Variants in SCUBE3 observed in about 807,000 individuals in gnomAD.
SCUBE3 encodes the protein signal peptide, CUB domain and EGF like domain containing 3, also known as signal peptide, CUB and EGF-like domain-containing protein 3.
SCUBE3 carries 33 observed loss-of-function variants against 116.8 expected under a neutral mutation model. The ratio of observed to expected loss-of-function variants is 0.28; its 90% CI spans 0.21 to 0.38. The LOEUF (loss-of-function observed/expected upper bound fraction) is 0.38, where lower values mean the gene tolerates loss of function less well. Ranked by LOEUF, SCUBE3 falls within the 10% of genes least tolerant of loss-of-function variation. The pLI is 1.00. For missense variants in SCUBE3, 1,007 were observed against 1,324.8 expected (o/e 0.76, Z 3.72); for synonymous variants, 418 against 496.9 (o/e 0.84, Z 2.11).
rs1322401562 is a variant in SCUBE3, at chr6:35,252,576, C to T, written c.*3871C>T. On this transcript the variant is annotated 3_prime_UTR_variant, in exon 22 of 22. Transcript: ENST00000274938. ...AAGACAAAGTATAACTGAGCATAAG[C>T]AGAAAATGTTAACCCTCCAGGTTTC... 1.3e-5 allele frequency: 2 copies of T among 152,200 alleles called. No individual in the cohort carries two copies. The highest frequency in any genetic ancestry group is 4.8e-5 in the African/African-American group (2 of 41,448). 9.4% of individuals were successfully genotyped at this position (152,200 alleles called of 1,614,324 possible).
chr6:35,248,905 G>A lies in SCUBE3; in HGVS notation c.*200G>A. 1 of 586,974 alleles carries A rather than the reference G, an allele frequency of 1.7e-6. No homozygotes were observed. The highest frequency in any genetic ancestry group is 2.8e-5 in the East Asian group (1 of 35,148). The allele number at this position is 586,974 out of a possible 1,614,324, so 36.4% of individuals were successfully genotyped here. On this transcript the variant is annotated 3_prime_UTR_variant, in exon 22 of 22. Transcript: ENST00000274938. ...GTCTCTCTCTGCCTGCCTCTCTACT[G>A]TTCCCCCTTTTCTAACACACTACCT...
chr6:35,245,180 C>A lies in SCUBE3; in HGVS notation c.2402-48C>A. On this transcript the variant is annotated intron_variant, in intron 18 of 21. Coordinates refer to ENST00000274938, the MANE Select transcript of SCUBE3 (RefSeq NM_152753.4). This position sits in a 1 kb window ranked among gnomAD's most constrained non-coding sequence, Gnocchi z 4.2. ...TCAATTCCCCCAGCACACTTCCCCA[C>A]TGACTTCCCTTCTCTGTCTTGTTTT... is the stretch of plus-strand genomic sequence containing the variant. 4 of 1,564,256 alleles carry A rather than the reference C, an allele frequency of 2.6e-6. No homozygotes were observed. The highest frequency in any genetic ancestry group is 3.5e-6 in the Non-Finnish European group (4 of 1,134,714).
intron 1 of SCUBE3, among the ~76,000 whole-genome samples, chr6:35,215,303 G>A (rs1038417530): frequency 2.0e-5 from 3 of 152,002 alleles, no homozygotes; most frequent in East Asian, 3.9e-4. Context: ...GAGGCCTCCC[G>A]CCCCCGTCCC....
rs1022635633 is a variant in SCUBE3, at chr6:35,235,445, G to A, written c.712+2144G>A. On this transcript the variant is annotated intron_variant, in intron 6 of 21. Transcript: ENST00000274938. This position sits in a 1 kb window ranked among gnomAD's most constrained non-coding sequence, Gnocchi z 4.5. ...AACAGCTTTTTTACAATGTCAAACA[G>A]GGGAAAGGCGGCTAGAGCAGCACAT... is the stretch of plus-strand genomic sequence containing the variant. The A allele has an allele frequency of 4.7e-6, 6 of 1,284,194 alleles. No individual in the cohort carries two copies. The highest frequency in any genetic ancestry group is 6.1e-6 in the Non-Finnish European group (6 of 983,662). The allele number at this position is 1,284,194 out of a possible 1,614,324, so 79.5% of individuals were successfully genotyped here. A position where few individuals can be genotyped will look rare whatever the true frequency, so the allele number is the denominator to read the frequency against.
At position 35,243,360 on chromosome 6, in the gene SCUBE3, C is replaced by G; in HGVS notation, c.1909+124C>G. ...ATGAGGCAGCCAGGATGCTCCTGCCCGCTGTCCTCCCTTCCTTGGTTCCAG... is the reference window on the plus strand; with the variant it reads ...ATGAGGCAGCCAGGATGCTCCTGCCGGCTGTCCTCCCTTCCTTGGTTCCAG... On this transcript the variant is annotated intron_variant, in intron 15 of 21. Coordinates refer to ENST00000274938, the MANE Select transcript of SCUBE3 (RefSeq NM_152753.4). This position sits in a 1 kb window ranked among gnomAD's most constrained non-coding sequence, Gnocchi z 6.6. The G allele has an allele frequency of 1.1e-6, 1 of 907,570 alleles. No homozygotes were observed. Among genetic ancestry groups the G allele is most frequent in the Non-Finnish European group, 1.7e-6 (1 of 590,442 alleles). 56.2% of individuals were successfully genotyped at this position (907,570 alleles called of 1,614,324 possible).
At position 35,252,840 on chromosome 6, in the gene SCUBE3, C is replaced by T. The variant is rs150567792; in HGVS notation, c.*4135C>T. On this transcript the variant is annotated 3_prime_UTR_variant, in exon 22 of 22. Coordinates refer to ENST00000274938, the MANE Select transcript of SCUBE3 (RefSeq NM_152753.4). ...TGAACTCAAGTTTCAGAATAATCAT[C>T]GCCATGTGGGAGGCTTTTTGTTAAA... 2.6e-4 allele frequency: 39 copies of T among 152,292 alleles called. No homozygotes were observed. The highest frequency in any genetic ancestry group is 8.7e-4 in the African/African-American group (36 of 41,562). 9.4% of individuals were successfully genotyped at this position (152,292 alleles called of 1,614,324 possible).
intron 2 of SCUBE3, 85 bp downstream of exon 2, chr6:35,227,787 C>A: frequency 7.2e-7 from 1 of 1,389,586 alleles, no homozygotes; most frequent in Non-Finnish European, 1.0e-6. Flanking sequence ...CACTCTCCAT[C>A]ACATCAAGGC....
At chr6:35,218,259 G>T in intron 1 of SCUBE3, 1 of 450,032 alleles carries the variant, frequency 2.2e-6, no homozygotes, top group Non-Finnish European at 2.9e-6. Flanking sequence ...CATGACTCAG[G>T]GTGTGTGTGT....
chr6:35,249,096 A>C lies in SCUBE3; in HGVS notation c.*391A>C. Reference sequence around the variant, plus strand: ...CTGGTGGGAAACGGGGAGGGGAAAGAAGGGCTTCTGCCATTATAGGGTTGT... The same window carrying C: ...CTGGTGGGAAACGGGGAGGGGAAAGCAGGGCTTCTGCCATTATAGGGTTGT... On this transcript the variant is annotated 3_prime_UTR_variant, in exon 22 of 22. Coordinates refer to ENST00000274938, the MANE Select transcript of SCUBE3 (RefSeq NM_152753.4). The C allele has an allele frequency of 5.6e-6, 1 of 177,372 alleles. No homozygotes were observed. The highest frequency in any genetic ancestry group is 2.4e-5 in the African/African-American group (1 of 41,968). The allele number at this position is 177,372 out of a possible 1,614,324, so 11.0% of individuals were successfully genotyped here. A position where few individuals can be genotyped will look rare whatever the true frequency, so the allele number is the denominator to read the frequency against.
Position 35,243,644 on chromosome 6 carries a change from C to T in SCUBE3, c.1960C>T (p.Pro654Ser). Residue 654 changes from proline to serine, a missense_variant, in exon 16 of 22, where the codon CCA becomes TCA. Pro to Ser is a moderately conservative substitution (Grantham distance 74). Coordinates refer to ENST00000274938, the MANE Select transcript of SCUBE3 (RefSeq NM_152753.4). The surrounding 1 kb of genome is among the most constrained non-coding windows in gnomAD (Gnocchi z 6.6). ...CCACGGCCAGACGGAGCAGTGTGTGCCATGCCCAGCGGGCACCTTCCAGGA... is the reference window on the plus strand; with the variant it reads ...CCACGGCCAGACGGAGCAGTGTGTGTCATGCCCAGCGGGCACCTTCCAGGA... Reference protein sequence around the residue: ...YYHGQTEQCVPCPAGTFQERE... With the variant: ...YYHGQTEQCVSCPAGTFQERE... 6.2e-7 allele frequency: 1 copy of T among 1,614,024 alleles called. No individual in the cohort carries two copies. Among genetic ancestry groups the T allele is most frequent in the Non-Finnish European group, 8.5e-7 (1 of 1,179,910 alleles).
Position 35,241,342 on chromosome 6 carries a change from T to A in SCUBE3, c.1195+76T>A. 1.4e-6 allele frequency: 2 copies of A among 1,479,372 alleles called. No homozygotes were observed. Among genetic ancestry groups the A allele is most frequent in the Non-Finnish European group, 1.9e-6 (2 of 1,080,976 alleles). The allele number at this position is 1,479,372 out of a possible 1,614,324, so 91.6% of individuals were successfully genotyped here. On this transcript the variant is annotated intron_variant, in intron 10 of 21. Coordinates refer to ENST00000274938, the MANE Select transcript of SCUBE3 (RefSeq NM_152753.4). The surrounding 1 kb of genome is among the most constrained non-coding windows in gnomAD (Gnocchi z 4.1). ...AGTTGGGGTTCTGGAAAGCATAGAG[T>A]ATCACATTGGGGAAAGGTGTGAGGT...
In SCUBE3 at chr6:35,231,742, G is replaced by A. The variant is rs1196696791; in HGVS notation, c.352G>A (p.Glu118Lys). The change falls in exon 4 of 22, where the codon GAG becomes AAG. Residue 118 changes from glutamate (E) to lysine (K), a missense_variant. By Grantham distance (56) the Glu-to-Lys change is moderately conservative. Around this residue, in one of 5 missense-constraint regions of SCUBE3, gnomAD observed 37 missense variants for 80.6 expected, o/e 0.46. Transcript: ENST00000274938. The surrounding 1 kb of genome is among the most constrained non-coding windows in gnomAD (Gnocchi z 4.2). ...CTGCACAGATGTGGACGAGTGTGCC[G>A]AGGGCAACGGCGGCTGTCAGCAGAG... ...HNCLDVDECA[E>K]GNGGCQQSCV... The A allele has an allele frequency of 8.1e-6, 13 of 1,612,516 alleles. No homozygotes were observed. The highest frequency in any genetic ancestry group is 1.1e-5 in the Non-Finnish European group (13 of 1,178,910).
rs1415449444 is a variant in SCUBE3, at chr6:35,214,722, T to A, written c.85+219T>A. ...GGGGCGGCAGAGAGGAGTGAGAAAC[T>A]CTTGGGGGCGGTGGGCAGAAGAGAC... On this transcript the variant is annotated intron_variant, in intron 1 of 21. Coordinates refer to ENST00000274938, the MANE Select transcript of SCUBE3 (RefSeq NM_152753.4). This position sits in a 1 kb window ranked among gnomAD's most constrained non-coding sequence, Gnocchi z 6.3. Among the ~76,000 whole-genome samples the A allele has an allele frequency of 6.6e-6, 1 of 152,136 alleles. No individual in the cohort carries two copies.
In SCUBE3 at chr6:35,252,496, G is replaced by A. The variant is rs983758854; in HGVS notation, c.*3791G>A. The A allele has an allele frequency of 4.6e-5, 7 of 152,182 alleles. No individual in the cohort carries two copies. The highest frequency in any genetic ancestry group is 1.0e-4 in the Non-Finnish European group (7 of 68,038). The allele number at this position is 152,182 out of a possible 1,614,324, so 9.4% of individuals were successfully genotyped here. On this transcript the variant is annotated 3_prime_UTR_variant, in exon 22 of 22. Coordinates refer to ENST00000274938, the MANE Select transcript of SCUBE3 (RefSeq NM_152753.4). Reference sequence around the variant, plus strand: ...TGTCAGAAAACGTTATAGAGCACTCGAACTTTTGTATTTGCTGCTTAACCT... The same window carrying A: ...TGTCAGAAAACGTTATAGAGCACTCAAACTTTTGTATTTGCTGCTTAACCT...
intron 21 of SCUBE3, among the ~76,000 whole-genome samples, chr6:35,246,742 G>A (rs759166179): frequency 1.3e-5 from 2 of 152,246 alleles, no homozygotes; most frequent in Non-Finnish European, 2.9e-5. Flanking sequence ...TTGGGAGGCC[G>A]AGGCGGGTGG....
rs1392241073 is a variant in SCUBE3, at chr6:35,239,774, C to G, written c.852C>G (p.Asn284Lys). ...TCKDIDECRL[N>K]NGGCDHICRN... ...CAGATATAGATGAGTGCCGCTTAAA[C>G]AACGGGGGCTGTGACCATATTTGCC... Residue 284 changes from asparagine to lysine, a missense_variant, in exon 8 of 22, where the codon AAC (asparagine) becomes AAG (lysine). Asn to Lys is a moderately conservative substitution (Grantham distance 94). This residue lies in a region of SCUBE3 where 214 missense variants were observed against 316.7 expected (regional missense o/e 0.68). Transcript: ENST00000274938. The surrounding 1 kb of genome is among the most constrained non-coding windows in gnomAD (Gnocchi z 4.1). 9.9e-6 allele frequency: 16 copies of G among 1,612,186 alleles called. No homozygotes were observed. The highest frequency in any genetic ancestry group is 1.7e-5 in the Admixed American group (1 of 59,606).
At position 35,214,781 on chromosome 6, in the gene SCUBE3, C is replaced by T. The variant is rs969153728; in HGVS notation, c.85+278C>T. On this transcript the variant is annotated intron_variant, in intron 1 of 21. Coordinates refer to ENST00000274938, the MANE Select transcript of SCUBE3 (RefSeq NM_152753.4). The surrounding 1 kb of genome is among the most constrained non-coding windows in gnomAD (Gnocchi z 6.3). Reference sequence around the variant, plus strand: ...TCAGAATTCCGCTCGACTTCATCCACTCCCAGCATCTTCGAAAGACTTCTT... The same window carrying T: ...TCAGAATTCCGCTCGACTTCATCCATTCCCAGCATCTTCGAAAGACTTCTT... Among the ~76,000 whole-genome samples, 3 of 152,242 alleles carry T rather than the reference C, an allele frequency of 2.0e-5. No homozygotes were observed. Among genetic ancestry groups the T allele is most frequent in the Non-Finnish European group, 2.9e-5 (2 of 68,042 alleles).
Position 35,244,878 on chromosome 6 carries a change from G to A in SCUBE3, c.2401+67G>A. 1 of 1,529,832 alleles carries A rather than the reference G, an allele frequency of 6.5e-7. No homozygotes were observed. Among genetic ancestry groups the A allele is most frequent in the Non-Finnish European group, 9.0e-7 (1 of 1,109,526 alleles). 94.8% of individuals were successfully genotyped at this position (1,529,832 alleles called of 1,614,324 possible). On this transcript the variant is annotated intron_variant, in intron 18 of 21. Transcript: ENST00000274938. This position sits in a 1 kb window ranked among gnomAD's most constrained non-coding sequence, Gnocchi z 4.3. ...CTGGGAGCAGTGGACATCTAAAGGA[G>A]GGGTGTGAAACCAACAGGGAGCAGG...
At chr6:35,220,170 G>A (rs533357267) in intron 1 of SCUBE3, among the ~76,000 whole-genome samples, 1 of 152,300 alleles carries the variant, frequency 6.6e-6, no homozygotes, top group South Asian at 2.1e-4. Flanking sequence ...ACTAAGGCAT[G>A]GATTCCTCCC....
Sources: allele counts gnomAD v4.1 joint callset (sites outside exome capture counted in the v4.1 genomes callset), GRCh38; gene constraint gnomAD v4.1.1; regional missense constraint gnomAD v4.1.1; non-coding constraint Gnocchi (gnomAD v3.1); transcripts MANE v1.5; gene names NCBI Gene and HGNC (gene_info 2026-07-23, HGNC 2026-07-21).